NDUFS4: variants seen among roughly 807,000 people sequenced by gnomAD.
NDUFS4 encodes the protein NADH dehydrogenase [ubiquinone] iron-sulfur protein 4, mitochondrial.
NDUFS4 carries 28 observed loss-of-function variants against 24.3 expected under a neutral mutation model. The observed-to-expected ratio is 1.15, with a 90% confidence interval of 0.85 to 1.58. NDUFS4 has a LOEUF of 1.58. NDUFS4 is among the 40% of genes most tolerant of loss of function. The pLI, the probability that NDUFS4 is intolerant of heterozygous loss-of-function variation, is 0.00. For synonymous variants in NDUFS4, 93 were observed against 69.7 expected (o/e 1.34, Z -1.67); for missense variants, 223 against 207.9 (o/e 1.07, Z -0.45).
intron 2 of NDUFS4, 77 bp from the exon 3 acceptor site, chr5:53,646,156 A>AT (rs1751855455): frequency 8.4e-7 from 1 of 1,193,166 alleles, no homozygotes; most frequent in Admixed American, 2.0e-5. Flanking sequence ...AGTTGCATGA[A>AT]TATAGGAAAC....
At chr5:53,581,898 T>A (rs1473875733) in intron 1 of NDUFS4, among the ~76,000 whole-genome samples, 1 of 152,192 alleles carries the variant, frequency 6.6e-6, no homozygotes, top group East Asian at 1.9e-4. Flanking sequence ...CAAGCATTTC[T>A]AATATTAATC....
intron 2 of NDUFS4, among the ~76,000 whole-genome samples, chr5:53,628,686 T>C (rs993855497): frequency 1.3e-5 from 2 of 152,244 alleles, no homozygotes; most frequent in African/African-American, 2.4e-5. Flanking sequence ...TAGTATTCTC[T>C]GATAGTAGTT....
chr5:53,682,022 T>C (rs1418966276), intron 4 of NDUFS4, among the ~76,000 whole-genome samples: 2 of 152,030 alleles, frequency 1.3e-5, no homozygotes, highest in Non-Finnish European at 2.9e-5. Flanking sequence ...ATTTGGGACA[T>C]TTTGTACATG....
intron 1 of NDUFS4, among the ~76,000 whole-genome samples, chr5:53,561,317 T>G (rs1310306665): frequency 6.6e-6 from 1 of 152,180 alleles, no homozygotes; most frequent in Non-Finnish European, 1.5e-5. Flanking sequence ...AGGTAATTTT[T>G]AAAAGGCTGG....
intron 1 of NDUFS4, among the ~76,000 whole-genome samples, chr5:53,564,121 C>A (rs1748945609): frequency 1.3e-5 from 2 of 152,086 alleles, no homozygotes; most frequent in African/African-American, 4.8e-5. Context: ...CTCTTTTATG[C>A]CCTGATCTGT....
chr5:53,586,345 ACAAAC>A (rs1168730296), intron 1 of NDUFS4, among the ~76,000 whole-genome samples: 1 of 151,288 alleles, frequency 6.6e-6, no homozygotes, highest in African/African-American at 2.4e-5. Flanking sequence ...AAAAAAAAAA[ACAAAC>A]CAAAACAAAA....
intron 1 of NDUFS4, among the ~76,000 whole-genome samples, chr5:53,587,601 A>G (rs1408020647): frequency 6.7e-6 from 1 of 149,222 alleles, no homozygotes; most frequent in Non-Finnish European, 1.5e-5. Context: ...TTTTTGAGAC[A>G]GCGTCTCGCT....
rs534969424 is a variant in NDUFS4 at position 53,603,084 on chromosome 5, T to G, written c.99-368T>G. On this transcript the variant is annotated intron_variant, in intron 1 of 4. Coordinates refer to ENST00000296684, the MANE Select transcript of NDUFS4 (RefSeq NM_002495.4). The stretch of plus-strand genomic sequence containing the variant: ...CTTTTCGTTTCTGATGCCATCCGTT[T>G]AAGAATCAGTGTTCCAGAACAATTG... 5.9e-5 allele frequency among the ~76,000 whole-genome samples: 9 copies of G among 152,302 alleles called. No individual in the cohort carries two copies. The South Asian group carries it at 1.7e-3, about 28-fold the overall frequency.
At chr5:53,589,337 CAG>C (rs1350128757) in intron 1 of NDUFS4, among the ~76,000 whole-genome samples, 1 of 152,174 alleles carries the variant, frequency 6.6e-6, no homozygotes, top group Non-Finnish European at 1.5e-5. Context: ...CTTAAAATAA[CAG>C]AGATTTATTT....
intron 2 of NDUFS4, among the ~76,000 whole-genome samples, chr5:53,641,934 T>C (rs965550546): frequency 6.6e-6 from 1 of 152,176 alleles, no homozygotes; most frequent in Admixed American, 6.6e-5. Context: ...AACAAGTTTC[T>C]ATAAACAGTA....
chr5:53,606,929 A>G (rs952468479), intron 2 of NDUFS4, among the ~76,000 whole-genome samples: 1 of 152,256 alleles, frequency 6.6e-6, no homozygotes, highest in African/African-American at 2.4e-5. Context: ...TACTTACAAT[A>G]CCTAATACAG....
intron 2 of NDUFS4, among the ~76,000 whole-genome samples, chr5:53,626,704 C>G (rs1476569353): frequency 6.6e-6 from 1 of 152,150 alleles, no homozygotes; most frequent in Non-Finnish European, 1.5e-5. Flanking sequence ...TGTTCATATC[C>G]TTCACCCACT....
chr5:53,566,544 G>T (rs2406913), intron 1 of NDUFS4, among the ~76,000 whole-genome samples: 146,666 of 152,224 alleles, frequency 0.96, 70,687 homozygotes, highest in Admixed American at 0.98. Context: ...TGAAATTACT[G>T]AAGTTTACAT....
At chr5:53,612,910 A>G (rs1049253660) in intron 2 of NDUFS4, among the ~76,000 whole-genome samples, 3 of 152,088 alleles carry the variant, frequency 2.0e-5, no homozygotes, top group African/African-American at 7.2e-5. Context: ...AAAATAAAAC[A>G]ACTACGTTTG....
intron 4 of NDUFS4, among the ~76,000 whole-genome samples, chr5:53,674,810 T>G (rs1740403064): frequency 6.6e-6 from 1 of 152,188 alleles, no homozygotes; most frequent in Non-Finnish European, 1.5e-5. Flanking sequence ...TAATTTTGGC[T>G]TATTTGATCA....
chr5:53,647,884 G>A (rs910796547), intron 3 of NDUFS4, among the ~76,000 whole-genome samples: 2 of 151,984 alleles, frequency 1.3e-5, no homozygotes, highest in Non-Finnish European at 2.9e-5. Context: ...TATTTTATTA[G>A]GCAAATGATA....
intron 2 of NDUFS4, among the ~76,000 whole-genome samples, chr5:53,606,159 A>G (rs1453139293): frequency 6.6e-6 from 1 of 151,934 alleles, no homozygotes; most frequent in Non-Finnish European, 1.5e-5. Flanking sequence ...ACTCCAGCCT[A>G]GGTGACAGAG....
intron 2 of NDUFS4, among the ~76,000 whole-genome samples, chr5:53,645,725 T>A (rs1751841699): frequency 6.6e-6 from 1 of 152,206 alleles, no homozygotes; most frequent in Admixed American, 6.6e-5. Context: ...TACAAAAAGG[T>A]TCAGGTTTCC....
intron 2 of NDUFS4, among the ~76,000 whole-genome samples, chr5:53,610,026 T>A (rs749493656): frequency 1.3e-5 from 2 of 152,246 alleles, no homozygotes; most frequent in Non-Finnish European, 2.9e-5. Flanking sequence ...ATAGCATTTT[T>A]AATTTTCCTC....
Sources: gnomAD v4.1 joint callset for allele counts (sites outside exome capture counted in the v4.1 genomes callset) on GRCh38, gnomAD v4.1.1 for gene constraint, MANE v1.5 for transcripts, NCBI Gene and HGNC (gene_info 2026-07-23, HGNC 2026-07-21) for gene names.